ADAR: variants seen among roughly 807,000 people sequenced by gnomAD.
ADAR encodes the protein adenosine deaminase RNA specific.
Under a neutral mutation model 113.2 loss-of-function variants are expected in ADAR, and 41 were observed. The observed-to-expected ratio is 0.36, with a 90% CI of 0.28 to 0.47. The LOEUF is 0.47. Among genes scored for constraint, ADAR ranks in the 20% least tolerant of loss-of-function variants. The pLI is 1.00. For missense variants in ADAR, 1,242 were observed against 1,540.9 expected (o/e 0.81, Z 3.25); for synonymous variants, 605 against 572.6 (o/e 1.06, Z -0.81).
rs1697058220 is a variant in ADAR at position 154,590,294 on chromosome 1, T to C, written c.2386A>G (p.Asn796Asp). The change falls in exon 7 of 15, where the codon AAC becomes GAC. Residue 796 changes from asparagine (N) to aspartate (D), a missense_variant. Physicochemically the swap from Asn to Asp is conservative, Grantham distance 23. Transcript: ENST00000368474. Reference sequence around the variant, plus strand: ...AAACCCATGCGTTCTGCCTTCTCGTTCTCCCCAATCAAGACACGGAGAGCC... The same window carrying C: ...AAACCCATGCGTTCTGCCTTCTCGTCCTCCCCAATCAAGACACGGAGAGCC... The part of the protein sequence containing the change: ...DAALRVLIGE[N>D]EKAERMGFTE... 1.2e-6 allele frequency: 2 copies of C among 1,614,072 alleles called. No individual in the cohort carries two copies. The highest frequency in any genetic ancestry group is 1.1e-5 in the South Asian group (1 of 91,078).
rs1380522000 is a variant in ADAR, at chr1:154,588,254, C to A, written c.2890G>T (p.Ala964Ser). 1 of 1,614,156 alleles carries A rather than the reference C, an allele frequency of 6.2e-7. No individual in the cohort carries two copies. The highest frequency in any genetic ancestry group is 1.1e-5 in the South Asian group (1 of 91,088). The change falls in exon 11 of 15, where the codon GCT (alanine) becomes TCT (serine). Residue 964 changes from alanine (A) to serine (S), a missense_variant. Coordinates refer to ENST00000368474, the MANE Select transcript of ADAR (RefSeq NM_001111.5). ...AAGAGGGCGCCATCTCCACACGGAGCAGTGCTGAAAAACAGGGGTGGCTGT... is the reference window on the plus strand; with the variant it reads ...AAGAGGGCGCCATCTCCACACGGAGAAGTGCTGAAAAACAGGGGTGGCTGT... ...TVSFHLYIST[A>S]PCGDGALFDK...
Position 154,602,360 on chromosome 1 carries a change from G to A in ADAR, c.282C>T (p.Pro94=). 6.2e-7 allele frequency: 1 copy of A among 1,606,868 alleles called. No individual in the cohort carries two copies. The highest frequency in any genetic ancestry group is 8.5e-7 in the Non-Finnish European group (1 of 1,176,072). The part of the protein sequence containing the change: ...RGRQVDIRGV[P]RGVHLRSQGL... Reference sequence around the variant, plus strand: ...CCTGACTTCTGAGATGCACGCCCCTGGGGACACCCCTGATGTCCACTTGCC... The same window carrying A: ...CCTGACTTCTGAGATGCACGCCCCTAGGGACACCCCTGATGTCCACTTGCC... The change falls in exon 2 of 15, where the codon CCC becomes CCT. Residue 94 remains proline (P), a synonymous_variant. Coordinates refer to ENST00000368474, the MANE Select transcript of ADAR (RefSeq NM_001111.5).
At chr1:154,627,460 T>A (rs1438700888) in intron 1 of ADAR, among the ~76,000 whole-genome samples, 1 of 152,060 alleles carries the variant, frequency 6.6e-6, no homozygotes, top group Non-Finnish European at 1.5e-5. Context: ...GGCAGCTCAC[T>A]CTCCAGTCAC....
At chr1:154,591,509 G>A (rs917862753) in intron 6 of ADAR, among the ~76,000 whole-genome samples, 3 of 152,208 alleles carry the variant, frequency 2.0e-5, no homozygotes, top group Non-Finnish European at 2.9e-5. Flanking sequence ...CATGAGCTGC[G>A]CTGACAATAA....
At chr1:154,607,699 C>T (rs148094313) in intron 1 of ADAR, among the ~76,000 whole-genome samples, 11 of 152,030 alleles carry the variant, frequency 7.2e-5, no homozygotes, top group African/African-American at 2.4e-4. Flanking sequence ...AATTCCTAAA[C>T]CAGCAATGCT....
Position 154,586,379 on chromosome 1 carries a change from G to C in ADAR, c.3020-16C>G. 1 of 1,613,224 alleles carries C rather than the reference G, an allele frequency of 6.2e-7. No individual in the cohort carries two copies. The highest frequency in any genetic ancestry group is 8.5e-7 in the Non-Finnish European group (1 of 1,179,888). On this transcript the variant is annotated splice_polypyrimidine_tract_variant and intron_variant, in intron 11 of 14. Transcript: ENST00000368474. Reference sequence around the variant, plus strand: ...GTGCCTTCTCCTGTGTGAGAGACTTGGGTCAGACCCACAGGCGCCAATGGA... The same window carrying C: ...GTGCCTTCTCCTGTGTGAGAGACTTCGGTCAGACCCACAGGCGCCAATGGA...
At position 154,586,226 on chromosome 1, in the gene ADAR, A is replaced by C; in HGVS notation, c.3157T>G (p.Leu1053Val). ...TAAATGGGCTGCAGGAAGTGGGTCA[A>C]CAGTGCCCCTTGCAGGCCCAGCACG... is the stretch of plus-strand genomic sequence containing the variant. ...WNVLGLQGAL[L>V]THFLQPIYLK... The change falls in exon 12 of 15, where the codon TTG becomes GTG. Residue 1053 changes from leucine (L) to valine (V), a missense_variant. By Grantham distance (32) the Leu-to-Val change is conservative. This residue lies in a region of ADAR where 780 missense variants were observed against 1,057.9 expected (regional missense o/e 0.74). Coordinates refer to ENST00000368474, the MANE Select transcript of ADAR (RefSeq NM_001111.5). The C allele has an allele frequency of 6.2e-7, 1 of 1,614,232 alleles. No individual in the cohort carries two copies. Among genetic ancestry groups the C allele is most frequent in the Non-Finnish European group, 8.5e-7 (1 of 1,180,036 alleles).
At chr1:154,586,538 C>CA (rs1482156561) in intron 11 of ADAR, among the ~76,000 whole-genome samples, 175 bp from the exon 12 acceptor site, 1 of 152,202 alleles carries the variant, frequency 6.6e-6, no homozygotes, top group Non-Finnish European at 1.5e-5. Context: ...GAACGGTGAG[C>CA]AAAACCAAGT....
intron 6 of ADAR, among the ~76,000 whole-genome samples, chr1:154,591,430 G>A (rs1235965847): frequency 6.6e-6 from 1 of 152,256 alleles, no homozygotes; most frequent in Non-Finnish European, 1.5e-5. Context: ...CCCAGGTTTT[G>A]CTGGGAGTTG....
chr1:154,590,960 TAAAC>T (rs569318284), intron 6 of ADAR, among the ~76,000 whole-genome samples: 81 of 151,704 alleles, frequency 5.3e-4, no homozygotes, highest in African/African-American at 1.7e-3. Context: ...ATCTCTAAAA[TAAAC>T]AAACAGACTC....
At chr1:154,585,658 T>G in intron 13 of ADAR, 95 bp downstream of exon 13, 1 of 1,113,100 alleles carries the variant, frequency 9.0e-7, no homozygotes, top group Non-Finnish European at 1.4e-6. Flanking sequence ...CTGTGGGCAA[T>G]GTTCCCCTTG....
At chr1:154,609,992 C>G (rs2101677845), upstream of ADAR, among the ~76,000 whole-genome samples, 1 of 152,188 alleles carries the variant, frequency 6.6e-6, no homozygotes, top group East Asian at 1.9e-4. Context: ...ATAACAGACC[C>G]CTCAGTAGGT....
At chr1:154,598,208 T>C (rs963490533) in intron 3 of ADAR, among the ~76,000 whole-genome samples, 194 bp downstream of exon 3, 1 of 152,042 alleles carries the variant, frequency 6.6e-6, no homozygotes, top group African/African-American at 2.4e-5. Context: ...TCCAATTATG[T>C]TGGGACAGGA....
rs539029919 is a variant in ADAR at position 154,608,139 on chromosome 1, C to T, written c.-133G>A. The T allele has an allele frequency of 8.5e-7, 1 of 1,170,950 alleles. No homozygotes were observed. The highest frequency in any genetic ancestry group is 3.0e-5 in the East Asian group (1 of 32,822). 72.5% of individuals were successfully genotyped at this position (1,170,950 alleles called of 1,614,324 possible). On this transcript the variant is annotated 5_prime_UTR_variant, in exon 1 of 15. The change creates a new upstream start codon in the 5' untranslated region. Coordinates refer to ENST00000368474, the MANE Select transcript of ADAR (RefSeq NM_001111.5). ...TGGAAGTGGCCCCGGGGCGTCGGCACGGGAAACTCCGCGGGTCTGCGCGCC... is the reference window on the plus strand; with the variant it reads ...TGGAAGTGGCCCCGGGGCGTCGGCATGGGAAACTCCGCGGGTCTGCGCGCC...
intron 5 of ADAR, 34 bp downstream of exon 5, chr1:154,597,089 T>C (rs1243286448): frequency 6.2e-7 from 1 of 1,614,164 alleles, no homozygotes; most frequent in Non-Finnish European, 8.5e-7. Flanking sequence ...TTGCTAAAAA[T>C]GACCTGTATC....
At chr1:154,594,379 A>G (rs1386382679) in intron 6 of ADAR, among the ~76,000 whole-genome samples, 2 of 152,192 alleles carry the variant, frequency 1.3e-5, no homozygotes, top group Non-Finnish European at 2.9e-5. Context: ...CCTTCAAGAA[A>G]ATATTCTAGA....
chr1:154,601,782 A>G lies in ADAR; in HGVS notation c.860T>C (p.Leu287Ser). ...GTCTAAAAACTCAAGAGGATCTTCC[A>G]AGGCAGATGTGGAGTTGCTGTCTTC... ...EPEDSNSTSA[L>S]EDPLEFLDMA... The change falls in exon 2 of 15, where the codon TTG becomes TCG. Residue 287 changes from leucine (L) to serine (S), a missense_variant. Coordinates refer to ENST00000368474, the MANE Select transcript of ADAR (RefSeq NM_001111.5). The surrounding 1 kb of genome is among the most constrained non-coding windows in gnomAD (Gnocchi z 4.7). 6.2e-7 allele frequency: 1 copy of G among 1,614,206 alleles called. No homozygotes were observed. Among genetic ancestry groups the G allele is most frequent in the Non-Finnish European group, 8.5e-7 (1 of 1,180,034 alleles).
chr1:154,585,094 G>A (rs997889284), intron 14 of ADAR, 51 bp from the exon 15 acceptor site: 8 of 1,608,434 alleles, frequency 5.0e-6, no homozygotes, highest in Non-Finnish European at 6.8e-6. Context: ...AAGATAAGGA[G>A]CTCACAGTGG....
intron 13 of ADAR, 131 bp downstream of exon 13, chr1:154,585,622 G>A (rs1422873041): frequency 6.5e-6 from 6 of 929,872 alleles, no homozygotes; most frequent in Admixed American, 2.2e-5. Context: ...GGGCCACTGT[G>A]GGCAATGTTC....
Sources: allele counts gnomAD v4.1 joint callset (sites outside exome capture counted in the v4.1 genomes callset), GRCh38; gene constraint gnomAD v4.1.1; regional missense constraint gnomAD v4.1.1; non-coding constraint Gnocchi (gnomAD v3.1); transcripts MANE v1.5; gene names NCBI Gene and HGNC (gene_info 2026-07-23, HGNC 2026-07-21).